COL24A1: variants seen among roughly 807,000 people sequenced by gnomAD.
COL24A1 encodes collagen type XXIV alpha 1 chain.
A neutral mutation model predicts 253.9 loss-of-function variants in COL24A1; 224 were observed. The observed-to-expected ratio is 0.88, with a 90% CI of 0.79 to 0.99. COL24A1 has a LOEUF of 0.99. Ranked by LOEUF, COL24A1 falls within the 50% of genes least tolerant of loss-of-function variation. COL24A1 has a pLI of 0.00. For missense variants in COL24A1, 2,131 were observed against 2,068.5 expected, an observed-to-expected ratio of 1.03 and a Z score of -0.59; for synonymous variants, 685 against 673.7, an observed-to-expected ratio of 1.02 and a Z score of -0.26.
intron 24 of COL24A1, among the ~76,000 whole-genome samples, chr1:85,957,097 A>G (rs1389005594): frequency 2.0e-5 from 3 of 152,164 alleles, no homozygotes; most frequent in Non-Finnish European, 2.9e-5. Flanking sequence ...GGAACAGAAA[A>G]CCAAACACTG....
intron 18 of COL24A1, among the ~76,000 whole-genome samples, chr1:86,021,233 C>T (rs1571628254): frequency 6.6e-6 from 1 of 151,908 alleles, no homozygotes. Flanking sequence ...AATTATAATC[C>T]TATATGTATT....
chr1:85,754,605 G>A (rs1456870374), intron 55 of COL24A1, among the ~76,000 whole-genome samples: 3 of 143,896 alleles, frequency 2.1e-5, no homozygotes, highest in African/African-American at 7.7e-5. Flanking sequence ...TTACTAAGTA[G>A]AGAATATAAT....
intron 24 of COL24A1, among the ~76,000 whole-genome samples, chr1:85,919,237 C>A (rs1686210095): frequency 1.3e-5 from 2 of 151,868 alleles, no homozygotes; most frequent in African/African-American, 4.9e-5. Flanking sequence ...CTGTTTCTTT[C>A]TGCAGCATAA....
Position 86,018,209 on chromosome 1 carries a change from C to T in COL24A1, c.2257-1005G>A, listed in dbSNP as rs138247260. ...TCACCTAAACTTGCAAGTTACAATA[C>T]GGGATTGCCCATTTTCCAAAACCTA... is the stretch of plus-strand genomic sequence containing the variant. On this transcript the variant is annotated intron_variant, in intron 18 of 59. Coordinates refer to ENST00000370571, the MANE Select transcript of COL24A1 (RefSeq NM_152890.7). Among the ~76,000 whole-genome samples, 352 of 152,272 alleles carry T rather than the reference C, an allele frequency of 2.3e-3. 1 individual carries two copies. Among genetic ancestry groups the T allele is most frequent in the African/African-American group, 8.1e-3 (335 of 41,562 alleles).
chr1:85,930,463 G>C lies in COL24A1; in HGVS notation c.2563-19030C>G. On this transcript the variant is annotated intron_variant, in intron 24 of 59. Transcript: ENST00000370571. ...ATCAACAGTTTACCAACCAAAAAGA[G>C]TCCAGGACCAGATGGATTCACAGCC... Among the ~76,000 whole-genome samples the C allele has an allele frequency of 3.6e-5, 2 of 54,862 alleles. 1 individual carries two copies. Among genetic ancestry groups the C allele is most frequent in the Non-Finnish European group, 7.0e-5 (2 of 28,702 alleles). The allele number at this position is 54,862 out of a possible 152,430, so 36.0% of individuals were successfully genotyped here. A position where few individuals can be genotyped will look rare whatever the true frequency, so the allele number is the denominator to read the frequency against.
At chr1:85,895,671 T>C (rs1683603104) in intron 31 of COL24A1, among the ~76,000 whole-genome samples, 187 bp downstream of exon 31, 1 of 152,248 alleles carries the variant, frequency 6.6e-6, no homozygotes, top group South Asian at 2.1e-4. Flanking sequence ...AATAGTTGTA[T>C]TAGAGAATAA....
At chr1:86,146,331 G>A (rs1234508695) in intron 1 of COL24A1, 148 bp from the exon 2 acceptor site, 3 of 615,076 alleles carry the variant, frequency 4.9e-6, no homozygotes, top group East Asian at 6.2e-5. Context: ...TAAGACCAAA[G>A]GCTCTGAAGT....
chr1:86,058,009 C>A, intron 9 of COL24A1, 34 bp from the exon 10 acceptor site: 2 of 1,577,770 alleles, frequency 1.3e-6, no homozygotes, highest in South Asian at 2.3e-5. Flanking sequence ...CATCATACTA[C>A]AGTACTTTTT....
At chr1:85,870,588 T>C (rs1202589415) in intron 35 of COL24A1, among the ~76,000 whole-genome samples, 1 of 152,190 alleles carries the variant, frequency 6.6e-6, no homozygotes, top group Non-Finnish European at 1.5e-5. Flanking sequence ...AACCTGCTCC[T>C]GAATGACTAC....
intron 55 of COL24A1, among the ~76,000 whole-genome samples, chr1:85,748,164 A>G (rs888290372): frequency 2.5e-4 from 38 of 152,176 alleles, no homozygotes; most frequent in Admixed American, 2.5e-3. Flanking sequence ...AAATTCTGTC[A>G]GTTGTTTTCC....
At chr1:85,847,555 G>T in intron 39 of COL24A1, 110 bp downstream of exon 39, 2 of 715,128 alleles carry the variant, frequency 2.8e-6, no homozygotes, top group South Asian at 2.0e-5. Context: ...ATTTTCAATG[G>T]AACTATTGCT....
At chr1:85,987,039 A>G (rs1474412191) in intron 20 of COL24A1, among the ~76,000 whole-genome samples, 7 of 151,920 alleles carry the variant, frequency 4.6e-5, no homozygotes. Context: ...CTGTGCTGGG[A>G]AAAGGCCTAG....
intron 37 of COL24A1, among the ~76,000 whole-genome samples, chr1:85,858,624 C>CCTCCTTCCTTCCTTCT (rs1678744187): frequency 3.5e-5 from 3 of 86,800 alleles, no homozygotes; most frequent in Non-Finnish European, 6.6e-5. Context: ...TTTCTCCCTC[C>CCTCCTTCCTTCCTTCT]TTCCTTCCTT....
intron 12 of COL24A1, 37 bp downstream of exon 12, chr1:86,046,784 ATTGC>A: frequency 2.5e-6 from 4 of 1,608,120 alleles, no homozygotes; most frequent in Non-Finnish European, 3.4e-6. Context: ...ACCAGGTTAT[ATTGC>A]TGTAAAATAA....
At chr1:85,987,804 G>T (rs1451572942) in intron 19 of COL24A1, 150 bp from the exon 20 acceptor site, 3 of 625,456 alleles carry the variant, frequency 4.8e-6, no homozygotes, top group Non-Finnish European at 8.3e-6. Context: ...TTAGGCAGTT[G>T]TTTAACACTG....
chr1:85,881,130 G>T (rs1681785059), intron 32 of COL24A1, among the ~76,000 whole-genome samples: 1 of 152,194 alleles, frequency 6.6e-6, no homozygotes, highest in African/African-American at 2.4e-5. Context: ...TTCTTTAAAT[G>T]TTTAGTTGAA....
intron 47 of COL24A1, among the ~76,000 whole-genome samples, chr1:85,814,313 T>C (rs1471216857): frequency 1.3e-5 from 2 of 152,194 alleles, no homozygotes; most frequent in African/African-American, 4.8e-5. Flanking sequence ...AAAATAAAAC[T>C]AGCATGACAG....
intron 1 of COL24A1, among the ~76,000 whole-genome samples, chr1:86,152,093 A>C (rs1250491826): frequency 6.6e-6 from 1 of 152,228 alleles, no homozygotes; most frequent in Non-Finnish European, 1.5e-5. Flanking sequence ...AATAACTGAA[A>C]AAAGAGTTTT....
chr1:86,035,624 G>A (rs1031131414), intron 12 of COL24A1, among the ~76,000 whole-genome samples: 1 of 152,016 alleles, frequency 6.6e-6, no homozygotes, highest in African/African-American at 2.4e-5. Context: ...TTTTGGGGGT[G>A]ATGAAAATGT....
Sources: gnomAD v4.1 joint callset for allele counts (sites outside exome capture counted in the v4.1 genomes callset) on GRCh38, gnomAD v4.1.1 for gene constraint, MANE v1.5 for transcripts, NCBI Gene and HGNC (gene_info 2026-07-23, HGNC 2026-07-21) for gene names.